Variants in ECHDC1 observed in about 807,000 individuals in gnomAD.
ECHDC1 encodes the protein ethylmalonyl-CoA decarboxylase 1, also known as ethylmalonyl-CoA decarboxylase.
ECHDC1 carries 29 observed loss-of-function variants against 29.7 expected under a neutral mutation model. That is an observed-to-expected ratio of 0.98 (90% CI 0.73 to 1.33). The LOEUF is 1.33. ECHDC1 is among the 40% of genes most tolerant of loss of function. ECHDC1 has a pLI of 0.00. For synonymous variants in ECHDC1, 126 were observed against 123.1 expected, an observed-to-expected ratio of 1.02 and a Z score of -0.15; for missense variants, 328 against 350.0, an observed-to-expected ratio of 0.94 and a Z score of 0.50.
intron 5 of ECHDC1, among the ~76,000 whole-genome samples, chr6:127,313,884 C>A (rs551826721): frequency 6.6e-6 from 1 of 152,292 alleles, no homozygotes; most frequent in South Asian, 2.1e-4. Context: ...TATATTTTCA[C>A]TATCTTATTT....
At chr6:127,305,303 A>C (rs1781359318) in intron 5 of ECHDC1, among the ~76,000 whole-genome samples, 1 of 152,226 alleles carries the variant, frequency 6.6e-6, no homozygotes, top group South Asian at 2.1e-4. Context: ...AAATCCTTTC[A>C]TGCTAGAATA....
chr6:127,323,553 A>G (rs1364091530), intron 3 of ECHDC1, among the ~76,000 whole-genome samples: 1 of 152,126 alleles, frequency 6.6e-6, no homozygotes, highest in African/African-American at 2.4e-5. Context: ...AATATCCACT[A>G]TACTCCTCAT....
intron 1 of ECHDC1, 43 bp from the exon 2 acceptor site, chr6:127,331,073 C>T: frequency 6.8e-7 from 1 of 1,472,204 alleles, no homozygotes; most frequent in East Asian, 2.3e-5. Context: ...GATGAATAGG[C>T]ACTCACTTTT....
chr6:127,342,250 G>T (rs1583028392), intron 1 of ECHDC1: 2 of 1,162,064 alleles, frequency 1.7e-6, no homozygotes, highest in Admixed American at 2.9e-5. Flanking sequence ...CTGCAAGAGG[G>T]CATTTGCAGT....
At chr6:127,330,552 A>G (rs557847750) in intron 2 of ECHDC1, among the ~76,000 whole-genome samples, 1 of 152,316 alleles carries the variant, frequency 6.6e-6, no homozygotes, top group South Asian at 2.1e-4. Context: ...AATATAATCA[A>G]GATTAATTTA....
rs796857298 is a variant in ECHDC1 at position 127,313,306 on chromosome 6, C to T, written c.497+1510G>A. 5.0e-5 allele frequency: 10 copies of T among 198,100 alleles called. No homozygotes were observed. The South Asian group carries it at 8.4e-4, about 17-fold the overall frequency. 12.3% of individuals were successfully genotyped at this position (198,100 alleles called of 1,614,324 possible). A position where few individuals can be genotyped will look rare whatever the true frequency, so the allele number is the denominator to read the frequency against. On this transcript the variant is annotated intron_variant, in intron 5 of 5. Transcript: ENST00000454859. ...GTAACCTCCACCTCCCAGGTTCAAG[C>T]AATCCTTCCACCTCAGACTCCCAAG...
At chr6:127,333,487 A>C (rs1784145671) in intron 1 of ECHDC1, among the ~76,000 whole-genome samples, 1 of 152,072 alleles carries the variant, frequency 6.6e-6, no homozygotes. Context: ...CTTTTGATCA[A>C]TACATACCCA....
intron 5 of ECHDC1, among the ~76,000 whole-genome samples, chr6:127,311,536 G>A (rs536308967): frequency 1.3e-5 from 2 of 151,750 alleles, no homozygotes; most frequent in African/African-American, 2.4e-5. Flanking sequence ...TTAACCAGGC[G>A]TGGTGGCAGG....
At chr6:127,298,472 T>G (rs549383957) in intron 5 of ECHDC1, among the ~76,000 whole-genome samples, 1 of 152,288 alleles carries the variant, frequency 6.6e-6, no homozygotes, top group African/African-American at 2.4e-5. Context: ...GAATGAGTGT[T>G]TTAAGTACTT....
chr6:127,289,690 AAGTG>A lies in ECHDC1; in HGVS notation c.*175_*178del. ...GTTCCAGATTACGCAGTAAATACCC[AAGTG>A]AGTAATTGGCAAGAAATGAGGTAAA... On this transcript the variant is annotated 3_prime_UTR_variant, in exon 6 of 6. Transcript: ENST00000454859. 4 of 646,846 alleles carry A rather than the reference AAGTG, an allele frequency of 6.2e-6. No individual in the cohort carries two copies. Among genetic ancestry groups the A allele is most frequent in the South Asian group, 2.7e-5 (1 of 37,284 alleles). 40.1% of individuals were successfully genotyped at this position (646,846 alleles called of 1,614,324 possible).
intron 5 of ECHDC1, among the ~76,000 whole-genome samples, chr6:127,301,177 C>A (rs891570316): frequency 4.6e-5 from 7 of 152,150 alleles, no homozygotes; most frequent in African/African-American, 1.7e-4. Context: ...AAGTATGACT[C>A]AAGTGAGGGT....
chr6:127,313,255 G>A (rs1259989035), intron 5 of ECHDC1: 5 of 161,808 alleles, frequency 3.1e-5, no homozygotes, highest in Non-Finnish European at 5.5e-5. Flanking sequence ...CCAGGCTGGA[G>A]TGCAATGGTG....
chr6:127,321,313 T>G (rs868435467), intron 3 of ECHDC1, among the ~76,000 whole-genome samples: 3 of 152,188 alleles, frequency 2.0e-5, no homozygotes, highest in Admixed American at 6.5e-5. Context: ...AAAGCCATGA[T>G]AAGTTTCAGA....
intron 5 of ECHDC1, among the ~76,000 whole-genome samples, chr6:127,309,902 G>A (rs1022340522): frequency 5.3e-5 from 8 of 152,224 alleles, no homozygotes; most frequent in East Asian, 3.9e-4. Context: ...GAGAACTTAC[G>A]CACTTATCAT....
At chr6:127,322,646 GTA>G (rs60212728) in intron 3 of ECHDC1, among the ~76,000 whole-genome samples, 2 of 149,280 alleles carry the variant, frequency 1.3e-5, no homozygotes, top group Admixed American at 6.7e-5. Flanking sequence ...ATATATGTGT[GTA>G]TATATATATA....
At chr6:127,333,666 TACACACACACACACACAC>T (rs10523734) in intron 1 of ECHDC1, among the ~76,000 whole-genome samples, 16,719 of 128,104 alleles carry the variant, frequency 0.13, 1,963 homozygotes, top group East Asian at 0.54. Context: ...CTCTTTCTCT[TACACACACACACACACAC>T]ACACACACAC....
intron 1 of ECHDC1, among the ~76,000 whole-genome samples, chr6:127,336,598 G>T (rs1359023663): frequency 3.3e-5 from 5 of 152,066 alleles, no homozygotes; most frequent in South Asian, 4.1e-4. Flanking sequence ...CTCTTTAACT[G>T]GAAAGCAAAA....
chr6:127,299,202 T>A (rs549670627), intron 5 of ECHDC1, among the ~76,000 whole-genome samples: 2 of 152,238 alleles, frequency 1.3e-5, no homozygotes, highest in South Asian at 4.1e-4. Context: ...GTTATTTTAC[T>A]TTTATATGTA....
chr6:127,303,619 A>G (rs1781223962), intron 5 of ECHDC1, among the ~76,000 whole-genome samples: 1 of 152,224 alleles, frequency 6.6e-6, no homozygotes, highest in Admixed American at 6.5e-5. Context: ...AGTCATCTCC[A>G]TAATATAAAG....
Sources: gnomAD v4.1 joint callset for allele counts (sites outside exome capture counted in the v4.1 genomes callset) on GRCh38, gnomAD v4.1.1 for gene constraint, MANE v1.5 for transcripts, NCBI Gene and HGNC (gene_info 2026-07-23, HGNC 2026-07-21) for gene names.